PTPN13: variants seen among roughly 807,000 people sequenced by gnomAD.
The protein encoded by PTPN13 is protein tyrosine phosphatase non-receptor type 13.
In PTPN13, 191 loss-of-function variants were observed where a neutral mutation model predicts 284.0. That is an observed-to-expected ratio of 0.67 (90% CI 0.60 to 0.76). The LOEUF (loss-of-function observed/expected upper bound fraction) is 0.76. Ranked by LOEUF, PTPN13 falls within the 30% of genes least tolerant of loss-of-function variation. PTPN13 has a pLI of 0.00. For missense variants in PTPN13, 2,797 were observed against 2,939.9 expected, an observed-to-expected ratio of 0.95 and a Z score of 1.12; for synonymous variants, 986 against 1,022.3, an observed-to-expected ratio of 0.96 and a Z score of 0.68.
At chr4:86,786,157 A>C (rs941501398) in intron 40 of PTPN13, among the ~76,000 whole-genome samples, 5 of 152,166 alleles carry the variant, frequency 3.3e-5, no homozygotes, top group Non-Finnish European at 5.9e-5. Context: ...AGAAAAAAAA[A>C]CAATTAGTTT....
intron 33 of PTPN13, 62 bp from the exon 34 acceptor site, chr4:86,775,109 G>A: frequency 6.5e-6 from 8 of 1,236,080 alleles, no homozygotes; most frequent in Non-Finnish European, 8.8e-6. Context: ...TATTTTCTTG[G>A]CAATTTAGCT....
chr4:86,614,728 A>C (rs1720345810), intron 1 of PTPN13, among the ~76,000 whole-genome samples: 1 of 152,166 alleles, frequency 6.6e-6, no homozygotes, highest in African/African-American at 2.4e-5. Flanking sequence ...TCTCAGTACT[A>C]AAGGAATGCT....
rs1738360846 is a variant in PTPN13 at position 86,759,080 on chromosome 4, T to C, written c.3553+7T>C. 1 of 1,611,436 alleles carries C rather than the reference T, an allele frequency of 6.2e-7. No homozygotes were observed. Among genetic ancestry groups the C allele is most frequent in the Non-Finnish European group, 8.5e-7 (1 of 1,178,824 alleles). ...AAAGAAAAGATATCCAAAGGTAATG[T>C]GAATGTCTCTTACTTATGTATTCTG... On this transcript the variant is annotated splice_region_variant and intron_variant, in intron 23 of 47. Coordinates refer to ENST00000411767, the MANE Select transcript of PTPN13 (RefSeq NM_080683.3).
chr4:86,730,053 T>A (rs1432893630), intron 10 of PTPN13, among the ~76,000 whole-genome samples: 1 of 149,592 alleles, frequency 6.7e-6, no homozygotes, highest in African/African-American at 2.4e-5. Flanking sequence ...TCCTTTCTGT[T>A]TGTTAATTTT....
At chr4:86,607,258 T>C (rs901494828) in intron 1 of PTPN13, among the ~76,000 whole-genome samples, 2 of 151,826 alleles carry the variant, frequency 1.3e-5, no homozygotes, top group Non-Finnish European at 1.5e-5. Context: ...TACATGAAAA[T>C]ATTTTAAAAG....
intron 1 of PTPN13, among the ~76,000 whole-genome samples, chr4:86,632,003 C>T (rs1268474650): frequency 6.6e-6 from 1 of 151,978 alleles, no homozygotes; most frequent in Non-Finnish European, 1.5e-5. Context: ...GGATACATAA[C>T]ATATCATCAT....
intron 1 of PTPN13, among the ~76,000 whole-genome samples, chr4:86,615,382 G>A (rs1333923758): frequency 6.6e-6 from 1 of 152,030 alleles, no homozygotes; most frequent in Non-Finnish European, 1.5e-5. Context: ...GCAAGCACAG[G>A]TACATAGTGT....
intron 35 of PTPN13, among the ~76,000 whole-genome samples, chr4:86,777,177 A>G (rs1312229635): frequency 6.6e-6 from 1 of 152,242 alleles, no homozygotes; most frequent in African/African-American, 2.4e-5. Flanking sequence ...TTATTATATT[A>G]ACGTTCTGAA....
chr4:86,699,343 G>A (rs946740558), intron 6 of PTPN13, among the ~76,000 whole-genome samples: 3 of 151,752 alleles, frequency 2.0e-5, no homozygotes, highest in African/African-American at 4.8e-5. Context: ...CCAAGATGGC[G>A]CCACTGCACT....
intron 42 of PTPN13, among the ~76,000 whole-genome samples, chr4:86,803,064 C>CTGTGTGTGTG (rs143647187): frequency 0.01 from 1,372 of 136,120 alleles, 6 homozygotes; most frequent in South Asian, 0.016. Flanking sequence ...CAGAATAAGA[C>CTGTGTGTGTG]TGTGTGTGTG....
At chr4:86,654,872 G>A (rs2148821839) in intron 2 of PTPN13, among the ~76,000 whole-genome samples, 1 of 152,304 alleles carries the variant, frequency 6.6e-6, no homozygotes, top group East Asian at 1.9e-4. Flanking sequence ...TTGTGTGGGA[G>A]TCTAAGTCTC....
intron 1 of PTPN13, among the ~76,000 whole-genome samples, chr4:86,632,727 A>G (rs149358108): frequency 1.7e-3 from 252 of 150,740 alleles, no homozygotes; most frequent in African/African-American, 5.9e-3. Context: ...TGGTCTGGGT[A>G]CTTCAGGTGG....
intron 3 of PTPN13, among the ~76,000 whole-genome samples, chr4:86,685,506 A>G (rs1729351764): frequency 1.3e-5 from 2 of 152,120 alleles, no homozygotes; most frequent in African/African-American, 4.8e-5. Context: ...CTATTTGAGA[A>G]GCTGAGACAG....
chr4:86,765,824 T>G (rs1739239842), intron 26 of PTPN13, among the ~76,000 whole-genome samples: 1 of 151,930 alleles, frequency 6.6e-6, no homozygotes, highest in African/African-American at 2.4e-5. Context: ...ACTTGTTTTT[T>G]TTGTTGTTGT....
Position 86,753,059 on chromosome 4 carries a change from G to A in PTPN13, c.3217G>A (p.Glu1073Lys), listed in dbSNP as rs1394387537. The change falls in exon 20 of 48, where the codon GAA becomes AAA. Residue 1073 changes from glutamate (E) to lysine (K), a missense_variant. Coordinates refer to ENST00000411767, the MANE Select transcript of PTPN13 (RefSeq NM_080683.3). The part of the protein sequence containing the change: ...GNSSSQVPLK[E>K]NDVLHKRWSI... ...CTCTTCATCCCAAGTACCCTTAAAA[G>A]AAAATGGTAGGTTTACAAAATGTTT... is the stretch of plus-strand genomic sequence containing the variant. 1 of 1,604,386 alleles carries A rather than the reference G, an allele frequency of 6.2e-7. No individual in the cohort carries two copies. Among genetic ancestry groups the A allele is most frequent in the Non-Finnish European group, 8.5e-7 (1 of 1,172,766 alleles).
intron 2 of PTPN13, among the ~76,000 whole-genome samples, chr4:86,639,230 G>T (rs1723442743): frequency 1.3e-5 from 2 of 151,934 alleles, no homozygotes; most frequent in African/African-American, 4.8e-5. Context: ...CTGTTGGTGG[G>T]ACTGTAAACT....
intron 1 of PTPN13, among the ~76,000 whole-genome samples, chr4:86,604,123 T>C (rs1764546512): frequency 2.0e-5 from 3 of 152,034 alleles, no homozygotes; most frequent in African/African-American, 7.2e-5. Flanking sequence ...AGACCTAAAT[T>C]AGGAAGCACA....
At chr4:86,705,068 G>T (rs1200089107) in intron 7 of PTPN13, among the ~76,000 whole-genome samples, 1 of 152,164 alleles carries the variant, frequency 6.6e-6, no homozygotes, top group African/African-American at 2.4e-5. Context: ...GGGCGCGGTG[G>T]CTGATGCCTG....
chr4:86,764,589 T>A lies in PTPN13; in HGVS notation c.4018-4T>A. The A allele has an allele frequency of 1.4e-6, 2 of 1,464,722 alleles. No homozygotes were observed. The highest frequency in any genetic ancestry group is 9.0e-7 in the Non-Finnish European group (1 of 1,105,472). 90.7% of individuals were successfully genotyped at this position (1,464,722 alleles called of 1,614,324 possible). A position where few individuals can be genotyped will look rare whatever the true frequency, so the allele number is the denominator to read the frequency against. On this transcript the variant is annotated splice_region_variant and splice_polypyrimidine_tract_variant and intron_variant, in intron 24 of 47. Transcript: ENST00000411767. Reference sequence around the variant, plus strand: ...GAAATCTTTGTTTGTTTTTCTTTGTTAAGGAATCTTCCTCTTCAGTGAATA... The same window carrying A: ...GAAATCTTTGTTTGTTTTTCTTTGTAAAGGAATCTTCCTCTTCAGTGAATA...
Sources: gnomAD v4.1 joint callset for allele counts (sites outside exome capture counted in the v4.1 genomes callset) on GRCh38, gnomAD v4.1.1 for gene constraint, MANE v1.5 for transcripts, NCBI Gene and HGNC (gene_info 2026-07-23, HGNC 2026-07-21) for gene names.